The following TNN variants were observed in gnomAD, a reference collection of about 807,000 sequenced individuals.
TNN encodes tenascin N.
TNN carries 122 observed loss-of-function variants against 134.4 expected under a neutral mutation model. The ratio of observed to expected loss-of-function variants is 0.91; its 90% confidence interval spans 0.78 to 1.06. The LOEUF (loss-of-function observed/expected upper bound fraction) is 1.06, where lower values mean the gene tolerates loss of function less well. Among genes scored for constraint, TNN ranks in the 50% least tolerant of loss-of-function variants. The probability of loss-of-function intolerance (pLI) is 0.00; values close to 1 mark genes in which losing one functional copy is unlikely to be tolerated. For synonymous variants in TNN, 710 were observed against 670.3 expected (o/e 1.06, Z -0.91); for missense variants, 1,739 against 1,699.4 (o/e 1.02, Z -0.41).
chr1:175,083,606 C>T (rs1674251286), intron 4 of TNN, 144 bp from the exon 5 acceptor site: 2 of 679,928 alleles, frequency 2.9e-6, no homozygotes, highest in Non-Finnish European at 4.8e-6. Flanking sequence ...CTCAAAGACA[C>T]CTGCTAAGAA....
chr1:175,140,187 G>T (rs1574180820), intron 17 of TNN, among the ~76,000 whole-genome samples: 1 of 152,286 alleles, frequency 6.6e-6, no homozygotes, highest in Admixed American at 6.5e-5. Flanking sequence ...GTCTGTCCCA[G>T]AGCCCTTGGG....
intron 9 of TNN, among the ~76,000 whole-genome samples, chr1:175,108,320 G>A (rs1477328166): frequency 2.2e-4 from 34 of 152,210 alleles, no homozygotes; most frequent in Non-Finnish European, 1.5e-5. Context: ...GGTGCTGATT[G>A]GTGTGTTTAC....
chr1:175,094,850 C>A (rs1470067454), intron 7 of TNN, among the ~76,000 whole-genome samples: 1 of 152,208 alleles, frequency 6.6e-6, no homozygotes, highest in Non-Finnish European at 1.5e-5. Context: ...GAATTTAGAG[C>A]AGCCTGATCC....
intron 12 of TNN, 108 bp from the exon 13 acceptor site, chr1:175,126,847 G>A (rs1252140700): frequency 4.8e-6 from 6 of 1,247,758 alleles, no homozygotes; most frequent in African/African-American, 3.0e-5. Context: ...GAAAGAAGGA[G>A]GAGAAATGGG....
rs55952749 is a variant in TNN at position 175,074,484 on chromosome 1, G to GAAAA, written c.-35-2878_-35-2875dup. Among the ~76,000 whole-genome samples, 402 of 118,826 alleles carry GAAAA rather than the reference G, an allele frequency of 3.4e-3. 1 individual carries two copies. Among genetic ancestry groups the GAAAA allele is most frequent in the East Asian group, 4.7e-3 (16 of 3,376 alleles). 78.0% of individuals were successfully genotyped at this position (118,826 alleles called of 152,430 possible). A position where few individuals can be genotyped will look rare whatever the true frequency, so the allele number is the denominator to read the frequency against. On this transcript the variant is annotated intron_variant, in intron 1 of 18. Coordinates refer to ENST00000239462, the MANE Select transcript of TNN (RefSeq NM_022093.2). ...TGGGCGACAGAATGGGATCCTGTCT[G>GAAAA]AAAAAAAAAAAAAAAAAAAAAAAAA...
Position 175,079,440 on chromosome 1 carries a change from G to C in TNN, c.517G>C (p.Gly173Arg). Residue 173 changes from glycine (G) to arginine (R), a missense_variant, in exon 3 of 19, where the codon GGG (glycine) becomes CGG (arginine). By Grantham distance (125) the Gly-to-Arg change is moderately radical (BLOSUM62 -2). Transcript: ENST00000239462. ...CGCCTGCGAGCGGCTGGCCTGCCCCGGGGCGTGCAGCGGCCACGGGCGTTG... is the reference window on the plus strand; with the variant it reads ...CGCCTGCGAGCGGCTGGCCTGCCCCCGGGCGTGCAGCGGCCACGGGCGTTG... ...GPACERLACPGACSGHGRCVD... is the reference protein window; with the variant it reads ...GPACERLACPRACSGHGRCVD... 3 of 1,579,652 alleles carry C rather than the reference G, an allele frequency of 1.9e-6. No homozygotes were observed. Among genetic ancestry groups the C allele is most frequent in the Non-Finnish European group, 1.7e-6 (2 of 1,166,156 alleles).
At position 175,147,192 on chromosome 1, in the gene TNN, A is replaced by C; in HGVS notation, c.*121A>C. The C allele has an allele frequency of 9.6e-7, 1 of 1,044,372 alleles. No homozygotes were observed. Among genetic ancestry groups the C allele is most frequent in the Non-Finnish European group, 1.3e-6 (1 of 785,606 alleles). The allele number at this position is 1,044,372 out of a possible 1,614,324, so 64.7% of individuals were successfully genotyped here. A position where few individuals can be genotyped will look rare whatever the true frequency, so the allele number is the denominator to read the frequency against. ...AGCCCGCAGAACAAATCATGTCACC[A>C]AGCTTCAAGCCATGGAGGTTCCTTC... On this transcript the variant is annotated 3_prime_UTR_variant, in exon 19 of 19. Coordinates refer to ENST00000239462, the MANE Select transcript of TNN (RefSeq NM_022093.2).
intron 2 of TNN, among the ~76,000 whole-genome samples, chr1:175,078,716 A>C (rs1285308094): frequency 6.6e-6 from 1 of 152,192 alleles, no homozygotes; most frequent in Non-Finnish European, 1.5e-5. Context: ...TGCACTAACC[A>C]GTCTGCCCTC....
At chr1:175,136,712 G>T in intron 16 of TNN, 109 bp from the exon 17 acceptor site, 1 of 1,017,216 alleles carries the variant, frequency 9.8e-7, no homozygotes, top group East Asian at 2.6e-5. Flanking sequence ...TAGCAGAGAA[G>T]GTAAAGACTA....
chr1:175,124,994 G>T (rs1675471590), intron 12 of TNN, among the ~76,000 whole-genome samples: 1 of 152,256 alleles, frequency 6.6e-6, no homozygotes, highest in Admixed American at 6.5e-5. Flanking sequence ...CATAACCAGG[G>T]AGTGGTGGGC....
chr1:175,075,390 C>G (rs937427595), intron 1 of TNN, among the ~76,000 whole-genome samples: 1 of 152,132 alleles, frequency 6.6e-6, no homozygotes, highest in African/African-American at 2.4e-5. Context: ...CTCCGCCTCC[C>G]GGGTTCCAGC....
At chr1:175,098,717 A>G (rs1314702965) in intron 9 of TNN, 122 bp downstream of exon 9, 1 of 1,391,902 alleles carries the variant, frequency 7.2e-7, no homozygotes, top group Non-Finnish European at 9.8e-7. Flanking sequence ...ATCCTCCCAT[A>G]ATACATTGTG....
At chr1:175,127,500 G>T (rs968461450) in intron 13 of TNN, among the ~76,000 whole-genome samples, 1 of 152,174 alleles carries the variant, frequency 6.6e-6, no homozygotes, top group African/African-American at 2.4e-5. Flanking sequence ...AAAACAGGAA[G>T]GACACTTAGG....
chr1:175,136,742 A>G (rs999069720), intron 16 of TNN, 79 bp from the exon 17 acceptor site: 1 of 1,398,564 alleles, frequency 7.2e-7, no homozygotes, highest in African/African-American at 1.4e-5. Context: ...TAGGTTCTGA[A>G]AGCCTCAGAC....
chr1:175,107,499 T>C (rs187056590), intron 9 of TNN, among the ~76,000 whole-genome samples: 6,149 of 135,476 alleles, frequency 0.045, 695 homozygotes, highest in Middle Eastern at 0.12. Context: ...CTCATGGTCT[T>C]GCTGGGCTCA....
intron 1 of TNN, among the ~76,000 whole-genome samples, chr1:175,071,491 T>C (rs1039221600): frequency 1.3e-5 from 2 of 152,204 alleles, no homozygotes; most frequent in Non-Finnish European, 2.9e-5. Context: ...GGACTTAACC[T>C]CTATGTGAGG....
Position 175,106,912 on chromosome 1 carries a change from C to A in TNN, c.2119+8317C>A, listed in dbSNP as rs989769121. On this transcript the variant is annotated intron_variant, in intron 9 of 18. Coordinates refer to ENST00000239462, the MANE Select transcript of TNN (RefSeq NM_022093.2). ...CTTGACACCCGTGTCTTTAGTCCGG[C>A]GGCCCGCTAGTCACTTTTAAATGGC... Among the ~76,000 whole-genome samples, 18 of 145,786 alleles carry A rather than the reference C, an allele frequency of 1.2e-4. 2 individuals carry two copies. The highest frequency in any genetic ancestry group is 2.4e-4 in the Non-Finnish European group (16 of 65,690).
intron 12 of TNN, among the ~76,000 whole-genome samples, chr1:175,126,519 C>T (rs1441294868): frequency 6.6e-6 from 1 of 152,180 alleles, no homozygotes; most frequent in East Asian, 1.9e-4. Flanking sequence ...GGCATTGGGG[C>T]CCATCCAGCA....
chr1:175,101,775 A>T (rs1389220553), intron 9 of TNN, among the ~76,000 whole-genome samples: 1 of 148,834 alleles, frequency 6.7e-6, no homozygotes, highest in Non-Finnish European at 1.5e-5. Flanking sequence ...GGGTATTTAC[A>T]ATCCCTGAGC....
Sources: allele counts gnomAD v4.1 joint callset (sites outside exome capture counted in the v4.1 genomes callset), GRCh38; gene constraint gnomAD v4.1.1; transcripts MANE v1.5; gene names NCBI Gene and HGNC (gene_info 2026-07-23, HGNC 2026-07-21).